The following SLCO2A1 variants were observed in gnomAD, a reference collection of about 807,000 sequenced individuals.
SLCO2A1 encodes the protein solute carrier organic anion transporter family member 2A1.
SLCO2A1 carries 60 observed loss-of-function variants against 71.7 expected under a neutral mutation model. The ratio of observed to expected loss-of-function variants is 0.84; its 90% CI spans 0.68 to 1.04. The LOEUF (loss-of-function observed/expected upper bound fraction) is 1.04. SLCO2A1 is among the 50% of genes least tolerant of loss of function. SLCO2A1 has a pLI of 0.00. For missense variants in SLCO2A1, 745 were observed against 813.4 expected, an observed-to-expected ratio of 0.92 and a Z score of 1.02; for synonymous variants, 308 against 326.7, an observed-to-expected ratio of 0.94 and a Z score of 0.62.
chr3:134,006,065 TTATTA>T, intron 1 of SLCO2A1, among the ~76,000 whole-genome samples: 1 of 152,150 alleles, frequency 6.6e-6, no homozygotes, highest in East Asian at 1.9e-4. Flanking sequence ...TTACCCTTTT[TTATTA>T]ATACTATTTT....
intron 3 of SLCO2A1, among the ~76,000 whole-genome samples, chr3:133,967,888 C>T (rs1250043156): frequency 2.1e-5 from 2 of 95,508 alleles, no homozygotes; most frequent in Non-Finnish European, 4.5e-5. Context: ...TCCACACCCC[C>T]ACACACTTCC....
intron 1 of SLCO2A1, among the ~76,000 whole-genome samples, chr3:133,986,303 T>C (rs1457112621): frequency 4.6e-5 from 7 of 152,258 alleles, no homozygotes; most frequent in Non-Finnish European, 8.8e-5. Context: ...GGCAATGTCA[T>C]TGGAATAACT....
chr3:134,015,988 C>G (rs1576460855), intron 1 of SLCO2A1, among the ~76,000 whole-genome samples: 1 of 151,786 alleles, frequency 6.6e-6, no homozygotes, highest in South Asian at 2.1e-4. Context: ...CAAAACAAAA[C>G]AAAACAAACA....
chr3:133,972,125 A>G (rs1418558561), intron 3 of SLCO2A1, among the ~76,000 whole-genome samples: 1 of 152,244 alleles, frequency 6.6e-6, no homozygotes, highest in Non-Finnish European at 1.5e-5. Flanking sequence ...TGAAGACATC[A>G]ATAACACAAA....
chr3:134,020,129 A>G (rs1367958329), intron 1 of SLCO2A1, among the ~76,000 whole-genome samples: 1 of 152,024 alleles, frequency 6.6e-6, no homozygotes, highest in Non-Finnish European at 1.5e-5. Context: ...TGCAGCCCCC[A>G]GTCACGCACC....
At chr3:133,956,441 A>C (rs796999544) in intron 3 of SLCO2A1, among the ~76,000 whole-genome samples, 12 of 152,296 alleles carry the variant, frequency 7.9e-5, no homozygotes, top group African/African-American at 2.6e-4. Flanking sequence ...ACACATTAGA[A>C]AGTTGCTGTC....
At chr3:133,970,966 C>T (rs1248231109) in intron 3 of SLCO2A1, among the ~76,000 whole-genome samples, 2 of 152,258 alleles carry the variant, frequency 1.3e-5, no homozygotes, top group Non-Finnish European at 2.9e-5. Flanking sequence ...TGAACCCAAA[C>T]TGACTGATTA....
At position 133,953,598 on chromosome 3, in the gene SLCO2A1, T is replaced by C. The variant is rs563146131; in HGVS notation, c.724+65A>G. The C allele has an allele frequency of 1.7e-5, 22 of 1,266,650 alleles. No homozygotes were observed. In the East Asian group the frequency reaches 4.9e-4, roughly 28 times the overall value. 78.5% of individuals were successfully genotyped at this position (1,266,650 alleles called of 1,614,324 possible). On this transcript the variant is annotated intron_variant, in intron 5 of 13. Transcript: ENST00000310926. ...AGCTTCATTCTCTGTTCTGATTGGATGAGGGGGCTGGGGGCTGCTTTATTG... is the reference window on the plus strand; with the variant it reads ...AGCTTCATTCTCTGTTCTGATTGGACGAGGGGGCTGGGGGCTGCTTTATTG...
At chr3:134,009,644 G>A (rs62272011) in intron 1 of SLCO2A1, among the ~76,000 whole-genome samples, 13,344 of 152,284 alleles carry the variant, frequency 0.088, 743 homozygotes, top group South Asian at 0.24. Flanking sequence ...TGGAGTGTGC[G>A]TCTAGGCTTA....
intron 5 of SLCO2A1, among the ~76,000 whole-genome samples, chr3:133,951,993 A>G (rs1933756614): frequency 6.6e-6 from 1 of 152,208 alleles, no homozygotes; most frequent in Non-Finnish European, 1.5e-5. Flanking sequence ...TCTCTTGGCA[A>G]TTCTCTTGCA....
chr3:133,954,934 T>C (rs1437706751), intron 4 of SLCO2A1, 32 bp downstream of exon 4: 1 of 1,577,944 alleles, frequency 6.3e-7, no homozygotes. Flanking sequence ...ACCTCACCCC[T>C]CCCCAAAGCC....
intron 3 of SLCO2A1, among the ~76,000 whole-genome samples, chr3:133,970,444 C>G (rs1934297178): frequency 6.6e-6 from 1 of 152,220 alleles, no homozygotes; most frequent in South Asian, 2.1e-4. Context: ...TTCCTGACGA[C>G]CTTGCATGAT....
At chr3:134,018,114 T>G (rs755734673) in intron 1 of SLCO2A1, among the ~76,000 whole-genome samples, 1 of 152,274 alleles carries the variant, frequency 6.6e-6, no homozygotes, top group East Asian at 1.9e-4. Flanking sequence ...CACCTGATCC[T>G]ACCCGTTCCC....
At chr3:134,008,081 A>T (rs1387784921) in intron 1 of SLCO2A1, among the ~76,000 whole-genome samples, 2 of 152,170 alleles carry the variant, frequency 1.3e-5, no homozygotes, top group South Asian at 2.1e-4. Context: ...GAAGATAGGG[A>T]CCTTGTCTGA....
At position 133,945,950 on chromosome 3, in the gene SLCO2A1, G is replaced by A. The variant is rs569846267; in HGVS notation, c.1296-690C>T. ...ACAACGAGTCTACAGTGAATTATTT[G>A]CCTGTTGTGGATTAGAAAACCAAAG... On this transcript the variant is annotated intron_variant, in intron 9 of 13. Transcript: ENST00000310926. Among the ~76,000 whole-genome samples, 43 of 152,294 alleles carry A rather than the reference G, an allele frequency of 2.8e-4. 1 individual carries two copies. The highest frequency in any genetic ancestry group is 9.6e-4 in the African/African-American group (40 of 41,562).
intron 3 of SLCO2A1, among the ~76,000 whole-genome samples, chr3:133,970,566 A>G (rs1252572086): frequency 2.0e-5 from 3 of 152,226 alleles, no homozygotes; most frequent in Non-Finnish European, 4.4e-5. Context: ...AGCATAGCAC[A>G]CTCACGTGGT....
intron 1 of SLCO2A1, among the ~76,000 whole-genome samples, chr3:134,001,389 A>T (rs1228982890): frequency 6.6e-6 from 1 of 152,108 alleles, no homozygotes; most frequent in East Asian, 1.9e-4. Context: ...GGGATTACAG[A>T]TGTGAGCCAC....
intron 9 of SLCO2A1, among the ~76,000 whole-genome samples, chr3:133,946,318 TA>T (rs778977970): frequency 6.6e-6 from 1 of 150,942 alleles, no homozygotes; most frequent in East Asian, 1.9e-4. Flanking sequence ...GGCAAAGTCT[TA>T]AAAAAAAGCT....
At chr3:133,948,361 C>A (rs747435468) in intron 8 of SLCO2A1, among the ~76,000 whole-genome samples, 175 bp downstream of exon 8, 54 of 152,358 alleles carry the variant, frequency 3.5e-4, no homozygotes, top group Admixed American at 7.2e-4. Context: ...CTGCCAAGAA[C>A]TTTCTAGATT....
Sources: allele counts gnomAD v4.1 joint callset (sites outside exome capture counted in the v4.1 genomes callset), GRCh38; gene constraint gnomAD v4.1.1; transcripts MANE v1.5; gene names NCBI Gene and HGNC (gene_info 2026-07-23, HGNC 2026-07-21).